The following CYP4F11 variants were observed in gnomAD, a reference collection of about 807,000 sequenced individuals.
The protein encoded by CYP4F11 is cytochrome P450 4F11.
CYP4F11 carries 79 observed loss-of-function variants against 62.2 expected under a neutral mutation model. That is an observed-to-expected ratio of 1.27 (90% CI 1.06 to 1.53). CYP4F11 has a LOEUF of 1.53. Among genes scored for constraint, CYP4F11 ranks in the 40% most tolerant of loss-of-function variants. CYP4F11 has a pLI of 0.00. For missense variants in CYP4F11, 777 were observed against 680.5 expected (o/e 1.14, Z -1.58); for synonymous variants, 290 against 263.7 (o/e 1.10, Z -0.97).
chr19:15,918,804 C>T (rs2089600940), intron 8 of CYP4F11, among the ~76,000 whole-genome samples: 1 of 151,966 alleles, frequency 6.6e-6, no homozygotes, highest in South Asian at 2.1e-4. Context: ...TCACACAATG[C>T]AGGCTGGAAG....
chr19:15,934,366 C>T lies in CYP4F11; in HGVS notation c.43G>A (p.Ala15Thr). Residue 15 changes from alanine (A) to threonine (T), a missense_variant, in exon 1 of 12, where the codon GCA (alanine) becomes ACA (threonine). Transcript: ENST00000402119. ...SLSWLGLGPV[A>T]ASPWLLLLLV... ...AGCAGAAGCAGCCACGGGGATGCTG[C>T]CACGGGCCCGAGGCCCAGCCAGGAC... The T allele has an allele frequency of 6.2e-7, 1 of 1,613,324 alleles. No individual in the cohort carries two copies. The highest frequency in any genetic ancestry group is 8.5e-7 in the Non-Finnish European group (1 of 1,179,632).
At position 15,912,801 on chromosome 19, in the gene CYP4F11, T is replaced by C. The variant is rs1196407029; in HGVS notation, c.*931A>G. The C allele has an allele frequency of 1.6e-5, 2 of 128,512 alleles. No homozygotes were observed. Among genetic ancestry groups the C allele is most frequent in the Non-Finnish European group, 3.2e-5 (2 of 62,336 alleles). The allele number at this position is 128,512 out of a possible 1,614,324, so 8.0% of individuals were successfully genotyped here. On this transcript the variant is annotated 3_prime_UTR_variant, in exon 12 of 12. Coordinates refer to ENST00000402119, the MANE Select transcript of CYP4F11 (RefSeq NM_021187.4). Reference sequence around the variant, plus strand: ...TATATATATATATAATATATATATATATATACATATCTTATATGCACAGCC... The same window carrying C: ...TATATATATATATAATATATATATACATATACATATCTTATATGCACAGCC...
chr19:15,925,993 T>C (rs1393804607), intron 4 of CYP4F11, among the ~76,000 whole-genome samples: 7 of 151,386 alleles, frequency 4.6e-5, no homozygotes, highest in Non-Finnish European at 1.5e-5. Flanking sequence ...TGAAACCCCG[T>C]CTCTACTAAA....
chr19:15,927,637 T>C lies in CYP4F11; in HGVS notation c.344-154A>G, dbSNP rs1057278243. ...AGGGTAGAGGAAGAAGGGAGGATGG[T>C]GGAGGAAGGAGAGACCAGACCAGGC... On this transcript the variant is annotated intron_variant, in intron 2 of 11. Coordinates refer to ENST00000402119, the MANE Select transcript of CYP4F11 (RefSeq NM_021187.4). 1.5e-5 allele frequency: 15 copies of C among 1,012,974 alleles called. No homozygotes were observed. The Admixed American group carries it at 1.6e-4, about 11-fold the overall frequency. The allele number at this position is 1,012,974 out of a possible 1,614,324, so 62.7% of individuals were successfully genotyped here.
chr19:15,929,395 G>C (rs780956068), intron 2 of CYP4F11, 62 bp downstream of exon 2: 84 of 1,606,964 alleles, frequency 5.2e-5, no homozygotes, highest in Non-Finnish European at 6.7e-5. Flanking sequence ...CTTGGGGAGG[G>C]GAGAGGCTAG....
At chr19:15,934,021 T>C (rs62105760) in intron 1 of CYP4F11, among the ~76,000 whole-genome samples, 190 bp downstream of exon 1, 6,829 of 27,996 alleles carry the variant, frequency 0.24, 1,259 homozygotes, top group East Asian at 0.34. Flanking sequence ...AATGAGTGAG[T>C]GGGCAGAGGA....
intron 1 of CYP4F11, 95 bp downstream of exon 1, chr19:15,934,116 G>A: frequency 7.4e-7 from 1 of 1,356,612 alleles, no homozygotes; most frequent in Non-Finnish European, 1.0e-6. Flanking sequence ...CCACACCCCA[G>A]CCACCCTCAA....
chr19:15,913,926 G>C lies in CYP4F11; in HGVS notation c.1398-17C>G. 3.1e-6 allele frequency: 5 copies of C among 1,603,860 alleles called. No homozygotes were observed. The highest frequency in any genetic ancestry group is 4.3e-6 in the Non-Finnish European group (5 of 1,175,208). On this transcript the variant is annotated splice_polypyrimidine_tract_variant and intron_variant, in intron 11 of 11. Coordinates refer to ENST00000402119, the MANE Select transcript of CYP4F11 (RefSeq NM_021187.4). ...ATGCAGTTTCTGGGGGCAAAAGTGAGGGAATCTGACTGTGCCCATGACCCC... is the reference window on the plus strand; with the variant it reads ...ATGCAGTTTCTGGGGGCAAAAGTGACGGAATCTGACTGTGCCCATGACCCC...
chr19:15,930,379 T>G (rs1599380901), intron 1 of CYP4F11, among the ~76,000 whole-genome samples: 1 of 151,976 alleles, frequency 6.6e-6, no homozygotes, highest in Middle Eastern at 3.2e-3. Flanking sequence ...TCACCTGAGG[T>G]CAGGTGTTCG....
rs1165455379 is a variant in CYP4F11, at chr19:15,912,676, A to AT, written c.*1055_*1056insA. The AT allele has an allele frequency of 2.2e-4, 6 of 27,670 alleles. No homozygotes were observed. The highest frequency in any genetic ancestry group is 9.9e-4 in the East Asian group (1 of 1,010). The allele number at this position is 27,670 out of a possible 1,614,324, so 1.7% of individuals were successfully genotyped here. On this transcript the variant is annotated 3_prime_UTR_variant, in exon 12 of 12. Transcript: ENST00000402119. The stretch of plus-strand genomic sequence containing the variant: ...ACCTTCACCATCCTCAGGAAAAAAA[A>AT]AAAAATATATATATATATATATGTG...
At position 15,912,761 on chromosome 19, in the gene CYP4F11, G is replaced by GTATATATATGTATATA. The variant is rs71178627; in HGVS notation, c.*970_*971insTATATACATATATATA. On this transcript the variant is annotated 3_prime_UTR_variant, in exon 12 of 12. Coordinates refer to ENST00000402119, the MANE Select transcript of CYP4F11 (RefSeq NM_021187.4). ...TATGTATATATGTGTGTGTGTGTGTGTGTGTGTGTGTATATATATATATAT... is the reference window on the plus strand; with the variant it reads ...TATGTATATATGTGTGTGTGTGTGTGTATATATATGTATATATGTGTGTGTGTATATATATATATAT... The GTATATATATGTATATA allele has an allele frequency of 9.7e-4, 37 of 38,228 alleles. No homozygotes were observed. The highest frequency in any genetic ancestry group is 3.6e-3 in the African/African-American group (35 of 9,850). 2.4% of individuals were successfully genotyped at this position (38,228 alleles called of 1,614,324 possible). A position where few individuals can be genotyped will look rare whatever the true frequency, so the allele number is the denominator to read the frequency against.
At chr19:15,917,323 GTACACTGT>G (rs1207774827) in intron 8 of CYP4F11, among the ~76,000 whole-genome samples, 2 of 152,106 alleles carry the variant, frequency 1.3e-5, no homozygotes, top group Non-Finnish European at 2.9e-5. Flanking sequence ...TGAGTACAGT[GTACACTGT>G]TTAGGAGACA....
chr19:15,926,109 A>G (rs186027383), intron 4 of CYP4F11, among the ~76,000 whole-genome samples: 1 of 151,338 alleles, frequency 6.6e-6, no homozygotes, highest in African/African-American at 2.4e-5. Flanking sequence ...GCTTGCAGTG[A>G]GCAGAGATCA....
At chr19:15,931,507 A>G (rs1330832692) in intron 1 of CYP4F11, among the ~76,000 whole-genome samples, 1 of 151,114 alleles carries the variant, frequency 6.6e-6, no homozygotes, top group Non-Finnish European at 1.5e-5. Context: ...GAGGTGAGAA[A>G]GACTTGGGAT....
At chr19:15,927,025 T>A (rs1432337819) in intron 4 of CYP4F11, among the ~76,000 whole-genome samples, 187 bp downstream of exon 4, 1 of 152,246 alleles carries the variant, frequency 6.6e-6, no homozygotes, top group African/African-American at 2.4e-5. Context: ...ACATACTATG[T>A]GCTGGGGACA....
intron 6 of CYP4F11, among the ~76,000 whole-genome samples, chr19:15,923,250 T>TCC (rs2089642652): frequency 6.7e-6 from 1 of 148,484 alleles, no homozygotes; most frequent in East Asian, 1.9e-4. Context: ...TCTCTCTCTC[T>TCC]CTCTCTCTCT....
chr19:15,915,009 A>G (rs1001782972), intron 8 of CYP4F11, 114 bp from the exon 9 acceptor site: 96 of 1,481,862 alleles, frequency 6.5e-5, no homozygotes, highest in Non-Finnish European at 8.6e-5. Flanking sequence ...TTCCACATGG[A>G]TGAAATACTG....
At position 15,934,254 on chromosome 19, in the gene CYP4F11, G is replaced by C. The variant is rs1414264126; in HGVS notation, c.155C>G (p.Pro52Arg). Residue 52 changes from proline to arginine, a missense_variant, in exon 1 of 12, where the codon CCT (proline) becomes CGT (arginine). Transcript: ENST00000402119. Reference sequence around the variant, plus strand: ...AAACCAGTTCTGTTTCGGGGGTTGAGGAAAACACTGGAGGCGGCGGCAGTT... The same window carrying C: ...AAACCAGTTCTGTTTCGGGGGTTGACGAAAACACTGGAGGCGGCGGCAGTT... ...YDNCRRLQCF[P>R]QPPKQNWFWG... is the part of the protein sequence containing the mutation. 1 of 1,613,700 alleles carries C rather than the reference G, an allele frequency of 6.2e-7. No homozygotes were observed. Among genetic ancestry groups the C allele is most frequent in the African/African-American group, 1.3e-5 (1 of 74,886 alleles).
At chr19:15,934,045 G>GAGAGGAATGAGTGAGTGGGC (rs1568259038) in intron 1 of CYP4F11, among the ~76,000 whole-genome samples, 166 bp downstream of exon 1, 1 of 74,772 alleles carries the variant, frequency 1.3e-5, no homozygotes, top group African/African-American at 4.6e-5. Flanking sequence ...AGTGAGCGGG[G>GAGAGGAATGAGTGAGTGGGC]AGAGGAATGA....
Sources: gnomAD v4.1 joint callset for allele counts (sites outside exome capture counted in the v4.1 genomes callset) on GRCh38, gnomAD v4.1.1 for gene constraint, MANE v1.5 for transcripts, NCBI Gene and HGNC (gene_info 2026-07-23, HGNC 2026-07-21) for gene names.